RBFOX1: variants seen among roughly 807,000 people sequenced by gnomAD.
The protein encoded by RBFOX1 is RNA binding protein fox-1 homolog 1.
Under a neutral mutation model 57.7 loss-of-function variants are expected in RBFOX1, and 8 were observed. The observed-to-expected ratio is 0.14, with a 90% CI of 0.08 to 0.25. The LOEUF is 0.25. Among genes scored for constraint, RBFOX1 ranks in the 10% least tolerant of loss-of-function variants. The pLI is 1.00. For missense variants in RBFOX1, 611 were observed against 548.5 expected (o/e 1.11, Z -1.14); for synonymous variants, 326 against 222.4 (o/e 1.47, Z -4.15).
intron 1 of RBFOX1, among the ~76,000 whole-genome samples, chr16:6,251,428 A>G (rs966811156): frequency 3.9e-5 from 6 of 152,118 alleles, no homozygotes; most frequent in African/African-American, 1.4e-4. Flanking sequence ...CAGGAACTGA[A>G]CTAAGGTCCT....
In RBFOX1 at chr16:6,687,527, A is replaced by G. The variant is rs201130979; in HGVS notation, c.-16+32877A>G. ...AGGATAAGCTAGTCTGTGCTTCAGTAACAAACATGTCCTGATATCTTGGTG... is the reference window on the plus strand; with the variant it reads ...AGGATAAGCTAGTCTGTGCTTCAGTGACAAACATGTCCTGATATCTTGGTG... On this transcript the variant is annotated intron_variant, in intron 3 of 15. Coordinates refer to ENST00000550418, the MANE Select transcript of RBFOX1 (RefSeq NM_018723.4). Among the ~76,000 whole-genome samples the G allele has an allele frequency of 1.7e-4, 26 of 152,346 alleles. No individual in the cohort carries two copies. The East Asian group carries it at 4.2e-3, about 25-fold the overall frequency.
chr16:5,576,178 G>A (rs1458429866), intron 2 of RBFOX1, among the ~76,000 whole-genome samples: 1 of 151,996 alleles, frequency 6.6e-6, no homozygotes, highest in African/African-American at 2.4e-5. Flanking sequence ...GTAGAGATGG[G>A]GTTTTACCTT....
chr16:5,407,156 AG>A (rs1158077996), intron 1 of RBFOX1, among the ~76,000 whole-genome samples: 3 of 152,120 alleles, frequency 2.0e-5, no homozygotes, highest in Non-Finnish European at 4.4e-5. Flanking sequence ...CAGAGTGAAA[AG>A]TGCAGGGGAA....
At chr16:5,993,462 T>C (rs551386201) in intron 4 of RBFOX1, among the ~76,000 whole-genome samples, 1 of 152,056 alleles carries the variant, frequency 6.6e-6, no homozygotes, top group South Asian at 2.1e-4. Context: ...CTGTTTTGTA[T>C]GAAGCTCTCA....
At chr16:7,509,427 TG>T (rs2074387779) in intron 4 of RBFOX1, among the ~76,000 whole-genome samples, 1 of 135,512 alleles carries the variant, frequency 7.4e-6, no homozygotes, top group Non-Finnish European at 1.6e-5. Flanking sequence ...TGTGTGTGTG[TG>T]TGTCTGTGTC....
intron 10 of RBFOX1, among the ~76,000 whole-genome samples, chr16:7,615,692 A>T (rs1380503829): frequency 6.6e-6 from 1 of 151,768 alleles, no homozygotes; most frequent in Non-Finnish European, 1.5e-5. Context: ...TTCTGGAAAC[A>T]TTTGTTTCAT....
At chr16:6,473,459 C>G (rs529612476) in intron 2 of RBFOX1, among the ~76,000 whole-genome samples, 2 of 152,240 alleles carry the variant, frequency 1.3e-5, no homozygotes, top group African/African-American at 4.8e-5. Flanking sequence ...TCCCACCCAA[C>G]AGTTGCAAAA....
intron 4 of RBFOX1, among the ~76,000 whole-genome samples, chr16:7,243,573 G>C (rs1375581480): frequency 6.6e-6 from 1 of 152,048 alleles, no homozygotes; most frequent in Non-Finnish European, 1.5e-5. Flanking sequence ...TTTGAGAGAG[G>C]CTGTCACTCT....
At chr16:7,644,190 G>C (rs925679902) in intron 11 of RBFOX1, among the ~76,000 whole-genome samples, 6 of 152,082 alleles carry the variant, frequency 3.9e-5, no homozygotes, top group African/African-American at 7.2e-5. Context: ...CAAACCGCTG[G>C]GTGAGTATCT....
intron 3 of RBFOX1, among the ~76,000 whole-genome samples, chr16:5,709,844 T>TATATATATATATATATG (rs60321066): frequency 1.4e-4 from 1 of 6,910 alleles, no homozygotes; most frequent in African/African-American, 4.9e-4. Flanking sequence ...TATATATATA[T>TATATATATATATATATG]TTTTTTTTTT....
intron 3 of RBFOX1, among the ~76,000 whole-genome samples, chr16:7,040,624 T>G (rs1322371252): frequency 6.6e-6 from 1 of 152,198 alleles, no homozygotes; most frequent in Non-Finnish European, 1.5e-5. Context: ...TGAAGTTTGT[T>G]GTTTATCATT....
chr16:7,510,537 G>A (rs554467096), intron 4 of RBFOX1, among the ~76,000 whole-genome samples: 1 of 151,346 alleles, frequency 6.6e-6, no homozygotes, highest in African/African-American at 2.4e-5. Context: ...GCGCACGCGC[G>A]CTTTCTGCTT....
intron 4 of RBFOX1, among the ~76,000 whole-genome samples, chr16:7,105,299 T>C (rs1400254636): frequency 6.6e-6 from 1 of 151,962 alleles, no homozygotes; most frequent in African/African-American, 2.4e-5. Flanking sequence ...TTTTTTTTTT[T>C]TTTTTTTGGC....
intron 3 of RBFOX1, among the ~76,000 whole-genome samples, chr16:5,696,944 A>G (rs1435666139): frequency 6.6e-6 from 1 of 152,116 alleles, no homozygotes; most frequent in Non-Finnish European, 1.5e-5. Flanking sequence ...ACCGAGTCTC[A>G]TTCTCTTGCC....
chr16:6,562,872 C>CTT (rs1319403281), intron 2 of RBFOX1, among the ~76,000 whole-genome samples: 3 of 49,268 alleles, frequency 6.1e-5, no homozygotes, highest in African/African-American at 4.8e-4. Context: ...TTCTTTCTTT[C>CTT]TTTCTTTCTT....
intron 3 of RBFOX1, among the ~76,000 whole-genome samples, chr16:6,661,227 C>A (rs748782515): frequency 6.6e-6 from 1 of 152,224 alleles, no homozygotes; most frequent in South Asian, 2.1e-4. Flanking sequence ...AAGAGACTTA[C>A]AAGACTTGAG....
At chr16:6,578,966 C>T (rs951449103) in intron 2 of RBFOX1, among the ~76,000 whole-genome samples, 13 of 151,662 alleles carry the variant, frequency 8.6e-5, no homozygotes, top group African/African-American at 3.2e-4. Context: ...GATGGGTGTA[C>T]CAAACTGTCG....
chr16:7,553,442 G>C (rs1315361461), intron 5 of RBFOX1, among the ~76,000 whole-genome samples: 1 of 152,182 alleles, frequency 6.6e-6, no homozygotes, highest in Non-Finnish European at 1.5e-5. Context: ...GCCACACCCA[G>C]CCCAGTATCT....
intron 4 of RBFOX1, among the ~76,000 whole-genome samples, chr16:5,880,433 G>A (rs931522492): frequency 2.0e-5 from 3 of 152,182 alleles, no homozygotes; most frequent in Admixed American, 1.3e-4. Context: ...GGGATGATAC[G>A]AGTGATGTCC....
Sources: gnomAD v4.1 joint callset for allele counts (sites outside exome capture counted in the v4.1 genomes callset) on GRCh38, gnomAD v4.1.1 for gene constraint, MANE v1.5 for transcripts, NCBI Gene and HGNC (gene_info 2026-07-23, HGNC 2026-07-21) for gene names.